Variants in CD86 observed in about 807,000 individuals in gnomAD.
CD86 encodes T-lymphocyte activation antigen CD86.
A neutral mutation model predicts 32.1 loss-of-function variants in CD86; 11 were observed. That is an observed-to-expected ratio of 0.34 (90% CI 0.22 to 0.57). CD86 has a LOEUF of 0.57. Ranked by LOEUF, CD86 falls within the 20% of genes least tolerant of loss-of-function variation. CD86 has a pLI of 0.86. For missense variants in CD86, 359 were observed against 398.4 expected (o/e 0.90, Z 0.84); for synonymous variants, 137 against 135.3 (o/e 1.01, Z -0.09).
At chr3:122,098,677 G>A (rs569587351) in intron 2 of CD86, among the ~76,000 whole-genome samples, 148 of 152,332 alleles carry the variant, frequency 9.7e-4, no homozygotes, top group Middle Eastern at 3.4e-3. Flanking sequence ...CAAGGACGGA[G>A]CAGGCAGATG....
At chr3:122,058,012 C>T (rs754265514) in intron 1 of CD86, among the ~76,000 whole-genome samples, 7 of 152,126 alleles carry the variant, frequency 4.6e-5, no homozygotes, top group Non-Finnish European at 7.3e-5. Context: ...CATTGTAATT[C>T]CCAGTTTCTT....
At chr3:122,114,186 G>A (rs1354432702) in intron 5 of CD86, among the ~76,000 whole-genome samples, 2 of 152,106 alleles carry the variant, frequency 1.3e-5, no homozygotes, top group Admixed American at 6.5e-5. Context: ...GGGAGGCAGA[G>A]GTTGCAGTGA....
chr3:122,103,739 C>T lies in CD86; in HGVS notation c.292C>T (p.His98Tyr). The change falls in exon 3 of 7, where the codon CAC becomes TAC. Residue 98 changes from histidine to tyrosine, a missense_variant. Transcript: ENST00000330540. Reference sequence around the variant, plus strand: ...TTCGGACAGTTGGACCCTGAGACTTCACAATCTTCAGATCAAGGACAAGGG... The same window carrying T: ...TTCGGACAGTTGGACCCTGAGACTTTACAATCTTCAGATCAAGGACAAGGG... ...FDSDSWTLRL[H>Y]NLQIKDKGLY... 5 of 1,614,056 alleles carry T rather than the reference C, an allele frequency of 3.1e-6. No individual in the cohort carries two copies. Among genetic ancestry groups the T allele is most frequent in the South Asian group, 1.1e-5 (1 of 91,082 alleles).
At chr3:122,066,542 C>T (rs746884968) in intron 1 of CD86, among the ~76,000 whole-genome samples, 1 of 152,282 alleles carries the variant, frequency 6.6e-6, no homozygotes, top group East Asian at 1.9e-4. Flanking sequence ...TCTTTGGCAG[C>T]TGGCCAAAAC....
chr3:122,088,811 G>A (rs935552502), intron 1 of CD86, among the ~76,000 whole-genome samples: 15 of 152,192 alleles, frequency 9.9e-5, no homozygotes, highest in African/African-American at 3.4e-4. Flanking sequence ...ACATGATCTA[G>A]CAATTCCCCT....
At chr3:122,064,895 T>G (rs1322379435) in intron 1 of CD86, among the ~76,000 whole-genome samples, 2 of 152,204 alleles carry the variant, frequency 1.3e-5, no homozygotes, top group Non-Finnish European at 2.9e-5. Context: ...TTCAATAAAG[T>G]TTTATTTAAT....
intron 1 of CD86, among the ~76,000 whole-genome samples, chr3:122,058,843 GA>G (rs1468377521): frequency 3.9e-5 from 6 of 152,168 alleles, no homozygotes; most frequent in Non-Finnish European, 8.8e-5. Context: ...AAGCCAAGGA[GA>G]AATGGCGAGG....
chr3:122,106,137 A>G (rs1318457495), intron 3 of CD86, 61 bp from the exon 4 acceptor site: 31 of 1,087,788 alleles, frequency 2.8e-5, no homozygotes, highest in Non-Finnish European at 3.4e-5. Flanking sequence ...GTTATTTGCT[A>G]TTCCCTCCTA....
At chr3:122,072,554 C>G (rs1483617950) in intron 1 of CD86, among the ~76,000 whole-genome samples, 3 of 151,942 alleles carry the variant, frequency 2.0e-5, no homozygotes, top group African/African-American at 7.3e-5. Context: ...GTTCATATCC[C>G]TTGCCCACTT....
At chr3:122,067,778 A>C (rs2072434935) in intron 1 of CD86, among the ~76,000 whole-genome samples, 1 of 152,176 alleles carries the variant, frequency 6.6e-6, no homozygotes, top group African/African-American at 2.4e-5. Context: ...GCCATCCCTT[A>C]CTCACATTGC....
intron 1 of CD86, among the ~76,000 whole-genome samples, chr3:122,084,613 C>T (rs866386128): frequency 1.3e-5 from 2 of 152,018 alleles, no homozygotes; most frequent in African/African-American, 4.8e-5. Flanking sequence ...TCAGCTGGGA[C>T]CATTGACCCA....
intron 2 of CD86, among the ~76,000 whole-genome samples, chr3:122,102,406 CTTTTTTTTTTTTTTTT>C (rs1011413952): frequency 3.6e-5 from 2 of 56,134 alleles, no homozygotes; most frequent in Non-Finnish European, 6.6e-5. Context: ...CCACTGCTTA[CTTTTTTTTTTTTTTTT>C]TTTTTTTTTT....
At chr3:122,115,228 G>C (rs534485671) in intron 5 of CD86, among the ~76,000 whole-genome samples, 1 of 151,902 alleles carries the variant, frequency 6.6e-6, no homozygotes, top group Admixed American at 6.6e-5. Context: ...AAAAGCAATT[G>C]TACATTGAAA....
intron 1 of CD86, among the ~76,000 whole-genome samples, chr3:122,091,047 A>G (rs951580786): frequency 1.3e-5 from 2 of 152,222 alleles, no homozygotes; most frequent in African/African-American, 2.4e-5. Flanking sequence ...CGTAAATGCA[A>G]TACTAACCGA....
At chr3:122,096,438 T>C (rs533143704) in intron 2 of CD86, among the ~76,000 whole-genome samples, 1 of 152,294 alleles carries the variant, frequency 6.6e-6, no homozygotes, top group South Asian at 2.1e-4. Context: ...CTAAATATAC[T>C]TATTTAAATT....
In CD86 at chr3:122,119,502, T is replaced by C. The variant is rs1293106106; in HGVS notation, c.958T>C (p.Ser320Pro). ...GCGTGTTTTTAAAAGTTCGAAGACA[T>C]CTTCATGCGACAAAAGTGATACATG... ...AQRVFKSSKT[S>P]SCDKSDTCF Residue 320 changes from serine to proline, a missense_variant, in exon 7 of 7, where the codon TCT becomes CCT. By Grantham distance (74) the Ser-to-Pro change is moderately conservative (BLOSUM62 -1). Transcript: ENST00000330540. 6.2e-7 allele frequency: 1 copy of C among 1,609,606 alleles called. No homozygotes were observed. The highest frequency in any genetic ancestry group is 2.2e-5 in the East Asian group (1 of 44,854).
intron 2 of CD86, among the ~76,000 whole-genome samples, chr3:122,093,019 AC>A (rs1249930977): frequency 6.6e-6 from 1 of 151,818 alleles, no homozygotes; most frequent in African/African-American, 2.4e-5. Context: ...GCAGCTTCCA[AC>A]CCCCAGGGCC....
rs2073312801 is a variant in CD86 at position 122,119,634 on chromosome 3, T to C, written c.*100T>C. 2 of 721,286 alleles carry C rather than the reference T, an allele frequency of 2.8e-6. No homozygotes were observed. The highest frequency in any genetic ancestry group is 2.4e-6 in the Non-Finnish European group (1 of 412,082). The allele number at this position is 721,286 out of a possible 1,614,324, so 44.7% of individuals were successfully genotyped here. On this transcript the variant is annotated 3_prime_UTR_variant, in exon 7 of 7. Coordinates refer to ENST00000330540, the MANE Select transcript of CD86 (RefSeq NM_175862.5). ...TTTCTTCCAGAAGGCAAAAAGACAT[T>C]ACCATGAGTAATAAGGGGGCTCCAG... is the stretch of plus-strand genomic sequence containing the variant.
rs147387437 is a variant in CD86 at position 122,084,932 on chromosome 3, C to T, written c.15-6669C>T. On this transcript the variant is annotated intron_variant, in intron 1 of 6. Coordinates refer to ENST00000330540, the MANE Select transcript of CD86 (RefSeq NM_175862.5). Reference sequence around the variant, plus strand: ...CTTCAGATCTCAGTTTAGGCTGGTCCTGTTATGGGCTCTCAAAGTACCATG... The same window carrying T: ...CTTCAGATCTCAGTTTAGGCTGGTCTTGTTATGGGCTCTCAAAGTACCATG... Among the ~76,000 whole-genome samples, 148 of 152,274 alleles carry T rather than the reference C, an allele frequency of 9.7e-4. 1 individual carries two copies. The highest frequency in any genetic ancestry group is 3.3e-3 in the African/African-American group (138 of 41,558).
Sources: gnomAD v4.1 joint callset for allele counts (sites outside exome capture counted in the v4.1 genomes callset) on GRCh38, gnomAD v4.1.1 for gene constraint, MANE v1.5 for transcripts, NCBI Gene and HGNC (gene_info 2026-07-23, HGNC 2026-07-21) for gene names.